Variants in THSD7A observed in about 807,000 individuals in gnomAD.
THSD7A encodes the protein thrombospondin type 1 domain containing 7A.
In THSD7A, 96 loss-of-function variants were observed where a neutral mutation model predicts 231.3. The ratio of observed to expected loss-of-function variants is 0.41; its 90% CI spans 0.35 to 0.49. The LOEUF (loss-of-function observed/expected upper bound fraction) is 0.49, where lower values mean the gene tolerates loss of function less well. Among genes scored for constraint, THSD7A ranks in the 20% least tolerant of loss-of-function variants. THSD7A has a pLI of 0.05. For missense variants in THSD7A, 2,290 were observed against 2,070.2 expected (o/e 1.11, Z -2.06); for synonymous variants, 940 against 743.3 (o/e 1.26, Z -4.30).
chr7:11,439,710 T>C (rs1784743083), intron 13 of THSD7A, among the ~76,000 whole-genome samples: 1 of 152,024 alleles, frequency 6.6e-6, no homozygotes, highest in Non-Finnish European at 1.5e-5. Context: ...TCTTCAGCTC[T>C]ATGCAGGCTG....
rs143928702 is a variant in THSD7A, at chr7:11,519,008, A to C, written c.1822+22411T>G. On this transcript the variant is annotated intron_variant, in intron 6 of 27. Transcript: ENST00000423059. ...TTATTTGCATCTGTTCTCCTGAATG[A>C]GGATAAATAACTTATGGGCTTTGGA... 2.3e-3 allele frequency among the ~76,000 whole-genome samples: 355 copies of C among 152,322 alleles called. 1 individual carries two copies. Among genetic ancestry groups the C allele is most frequent in the Admixed American group, 5.4e-3 (83 of 15,300 alleles).
At position 11,429,367 on chromosome 7, in the gene THSD7A, C is replaced by A. The variant is rs185072955; in HGVS notation, c.3065-242G>T. Among the ~76,000 whole-genome samples the A allele has an allele frequency of 2.6e-4, 39 of 152,282 alleles. No individual in the cohort carries two copies. In the South Asian group the frequency reaches 5.4e-3, roughly 21 times the overall value. On this transcript the variant is annotated intron_variant, in intron 13 of 27. Coordinates refer to ENST00000423059, the MANE Select transcript of THSD7A (RefSeq NM_015204.3). ...GTGATCTGCTTAGGATTCATGCTCA[C>A]CATATTTCAACATTTCTGACTGACA...
At chr7:11,521,480 A>T (rs1963226) in intron 6 of THSD7A, among the ~76,000 whole-genome samples, 28,037 of 118,330 alleles carry the variant, frequency 0.24, 5,466 homozygotes, top group Middle Eastern at 0.31. Context: ...TTTTTATTTT[A>T]TTTATTTATT....
At chr7:11,382,679 T>G in intron 23 of THSD7A, 63 bp from the exon 24 acceptor site, 3 of 1,201,320 alleles carry the variant, frequency 2.5e-6, no homozygotes, top group Non-Finnish European at 3.7e-6. Flanking sequence ...ATCATGGGGA[T>G]AGAGTATTAA....
intron 24 of THSD7A, among the ~76,000 whole-genome samples, chr7:11,380,829 G>A (rs17553214): frequency 0.12 from 18,654 of 152,154 alleles, 1,573 homozygotes; most frequent in Non-Finnish European, 0.2. Context: ...TTTTGGTACT[G>A]AATAGCATTA....
rs555429103 is a variant in THSD7A, at chr7:11,388,752, G to A, written c.4412-6136C>T. ...CTTCTCTAGCACTTTTAATTGTGAT[G>A]TTAGAGTGTAAATTTTAGATCATTC... On this transcript the variant is annotated intron_variant, in intron 23 of 27. Coordinates refer to ENST00000423059, the MANE Select transcript of THSD7A (RefSeq NM_015204.3). Among the ~76,000 whole-genome samples, 3 of 152,258 alleles carry A rather than the reference G, an allele frequency of 2.0e-5. No homozygotes were observed. The East Asian group carries it at 5.8e-4, about 29-fold the overall frequency.
chr7:11,533,872 G>T (rs73677745), intron 6 of THSD7A, among the ~76,000 whole-genome samples: 29,026 of 152,060 alleles, frequency 0.19, 3,222 homozygotes, highest in East Asian at 0.33. Context: ...TTCTGCACTT[G>T]TATCTTGGGA....
At chr7:11,822,048 T>C (rs961439404) in intron 1 of THSD7A, among the ~76,000 whole-genome samples, 3 of 152,160 alleles carry the variant, frequency 2.0e-5, no homozygotes, top group Admixed American at 6.5e-5. Context: ...TTTCCCAATA[T>C]GCTATTATTT....
chr7:11,553,487 T>C (rs536005480), intron 4 of THSD7A, among the ~76,000 whole-genome samples: 106 of 152,238 alleles, frequency 7.0e-4, no homozygotes, highest in Non-Finnish European at 9.9e-4. Flanking sequence ...TTTCAGTTTA[T>C]ACTGAGATTT....
At chr7:11,583,016 T>C (rs1412825467) in intron 4 of THSD7A, among the ~76,000 whole-genome samples, 1 of 152,098 alleles carries the variant, frequency 6.6e-6, no homozygotes, top group African/African-American at 2.4e-5. Flanking sequence ...ATGACTATTA[T>C]CCTCATTTTT....
intron 1 of THSD7A, among the ~76,000 whole-genome samples, chr7:11,740,750 G>A (rs1393716324): frequency 1.3e-5 from 2 of 151,830 alleles, no homozygotes; most frequent in South Asian, 2.1e-4. Context: ...GCTATAATAT[G>A]TCAGTACCAG....
At chr7:11,482,145 G>C (rs759680657) in intron 6 of THSD7A, among the ~76,000 whole-genome samples, 163 bp from the exon 7 acceptor site, 2 of 152,128 alleles carry the variant, frequency 1.3e-5, no homozygotes, top group Non-Finnish European at 2.9e-5. Context: ...GATGTTAATA[G>C]AACACCAGGA....
chr7:11,555,153 C>A (rs988834425), intron 4 of THSD7A, among the ~76,000 whole-genome samples: 1 of 151,684 alleles, frequency 6.6e-6, no homozygotes, highest in Non-Finnish European at 1.5e-5. Flanking sequence ...CATTTCACTC[C>A]CATTTTTCTT....
intron 6 of THSD7A, among the ~76,000 whole-genome samples, chr7:11,506,484 T>G (rs906667974): frequency 3.3e-5 from 5 of 152,206 alleles, no homozygotes; most frequent in African/African-American, 1.2e-4. Flanking sequence ...TCTCTCACAG[T>G]ATGTTCTCCA....
chr7:11,380,365 A>G (rs1460748170), intron 24 of THSD7A, among the ~76,000 whole-genome samples: 3 of 152,140 alleles, frequency 2.0e-5, no homozygotes, highest in African/African-American at 7.2e-5. Context: ...TAAGATGGAA[A>G]TAGATGTCAT....
chr7:11,438,191 C>G (rs1398598693), intron 13 of THSD7A, among the ~76,000 whole-genome samples: 3 of 151,942 alleles, frequency 2.0e-5, no homozygotes, highest in African/African-American at 7.2e-5. Flanking sequence ...TTGGAATCAT[C>G]TGTGTCAGAA....
chr7:11,808,760 C>T (rs1345142087), intron 1 of THSD7A, among the ~76,000 whole-genome samples: 2 of 151,968 alleles, frequency 1.3e-5, no homozygotes, highest in Admixed American at 6.6e-5. Context: ...TAAAAATATT[C>T]ATTCATCCTT....
chr7:11,745,326 G>C (rs1242762685), intron 1 of THSD7A, among the ~76,000 whole-genome samples: 2 of 152,008 alleles, frequency 1.3e-5, no homozygotes, highest in East Asian at 3.9e-4. Context: ...TGAGTTCATT[G>C]TGGATTCTGG....
intron 1 of THSD7A, chr7:11,821,248 C>CG: frequency 8.7e-7 from 1 of 1,149,250 alleles, no homozygotes; most frequent in South Asian, 1.2e-5. Flanking sequence ...TGAGGGTCTA[C>CG]GCTGAGACTG....
Sources: gnomAD v4.1 joint callset for allele counts (sites outside exome capture counted in the v4.1 genomes callset) on GRCh38, gnomAD v4.1.1 for gene constraint, MANE v1.5 for transcripts, NCBI Gene and HGNC (gene_info 2026-07-23, HGNC 2026-07-21) for gene names.